LAPTM4B: variants seen among roughly 807,000 people sequenced by gnomAD.
LAPTM4B encodes lysosomal protein transmembrane 4 beta, also known as lysosomal-associated transmembrane protein 4B.
In LAPTM4B, 26 loss-of-function variants were observed where a neutral mutation model predicts 28.5. The observed-to-expected ratio is 0.91, with a 90% CI of 0.67 to 1.27. LAPTM4B has a LOEUF of 1.27. LAPTM4B is among the 50% of genes most tolerant of loss of function. The probability of loss-of-function intolerance (pLI) is 0.00; values close to 1 mark genes in which losing one functional copy is unlikely to be tolerated. For missense variants in LAPTM4B, 288 were observed against 285.8 expected (o/e 1.01, Z -0.06); for synonymous variants, 109 against 106.4 (o/e 1.02, Z -0.15).
At position 97,825,072 on chromosome 8, in the gene LAPTM4B, C is replaced by G. The variant is rs148962464; in HGVS notation, c.522C>G (p.Ser174Arg). 1.2e-6 allele frequency: 2 copies of G among 1,605,182 alleles called. No homozygotes were observed. Among genetic ancestry groups the G allele is most frequent in the Non-Finnish European group, 1.7e-6 (2 of 1,172,390 alleles). ...IILTFKGYLI[S>R]CVWNCYRYIN... ...CTCATTTTCAGGGTTACTTGATTAG[C>G]TGTGTTTGGAACTGCTACCGATACA... The change falls in exon 6 of 7, where the codon AGC becomes AGG. Residue 174 changes from serine to arginine, a missense_variant. Transcript: ENST00000521545.
intron 6 of LAPTM4B, 104 bp downstream of exon 6, chr8:97,825,257 A>G (rs541307877): frequency 9.2e-5 from 55 of 599,004 alleles, no homozygotes; most frequent in African/African-American, 8.5e-4. Context: ...TTACTGAAAC[A>G]TACTCATGAG....
At chr8:97,848,774 T>C (rs1043238424) in intron 6 of LAPTM4B, among the ~76,000 whole-genome samples, 3 of 152,260 alleles carry the variant, frequency 2.0e-5, no homozygotes, top group African/African-American at 7.2e-5. Context: ...TCAGTCTTGC[T>C]AAAATTAATA....
At chr8:97,846,327 A>ATTT (rs57959152) in intron 6 of LAPTM4B, among the ~76,000 whole-genome samples, 12 of 138,876 alleles carry the variant, frequency 8.6e-5, no homozygotes, top group Non-Finnish European at 7.7e-5. Flanking sequence ...AGAGTATCCA[A>ATTT]TTTTTTTTTT....
chr8:97,816,306 T>C (rs865922321), intron 4 of LAPTM4B, 126 bp downstream of exon 4: 1 of 899,674 alleles, frequency 1.1e-6, no homozygotes, highest in Non-Finnish European at 1.6e-6. Flanking sequence ...GAGTTACTCA[T>C]AGGAAATTTC....
chr8:97,776,205 T>C (rs1001518297), intron 1 of LAPTM4B, 97 bp downstream of exon 1: 2 of 1,312,332 alleles, frequency 1.5e-6, no homozygotes, highest in East Asian at 6.0e-5. Context: ...CGTGCGCTCA[T>C]CCGCCTAAAG....
intron 2 of LAPTM4B, among the ~76,000 whole-genome samples, chr8:97,809,292 T>TG (rs1816794904): frequency 6.6e-6 from 1 of 152,238 alleles, no homozygotes; most frequent in Non-Finnish European, 1.5e-5. Context: ...ACTGGAATTG[T>TG]GTAGCTTTAA....
intron 1 of LAPTM4B, among the ~76,000 whole-genome samples, chr8:97,787,434 C>T (rs530675924): frequency 2.0e-5 from 3 of 151,890 alleles, no homozygotes; most frequent in Middle Eastern, 6.8e-3. Flanking sequence ...TACAGGCACC[C>T]GCCACCAGGC....
At chr8:97,786,442 G>A (rs1816403181) in intron 1 of LAPTM4B, among the ~76,000 whole-genome samples, 1 of 150,356 alleles carries the variant, frequency 6.7e-6, no homozygotes, top group Admixed American at 6.6e-5. Flanking sequence ...GGTGGCTCAC[G>A]CCTGTAATCC....
Position 97,821,466 on chromosome 8 carries a change from C to T in LAPTM4B, c.507+2228C>T, listed in dbSNP as rs188298254. Among the ~76,000 whole-genome samples, 672 of 152,024 alleles carry T rather than the reference C, an allele frequency of 4.4e-3. 11 individuals carry two copies. Among genetic ancestry groups the T allele is most frequent in the Non-Finnish European group, 7.1e-3 (482 of 68,010 alleles). On this transcript the variant is annotated intron_variant, in intron 5 of 6. Coordinates refer to ENST00000521545, the MANE Select transcript of LAPTM4B (RefSeq NM_018407.6). Reference sequence around the variant, plus strand: ...GGGTCCAGTGCCAGTTTGGAGGCTGCGAAGGCCCTGAGCTCTGGGAGTCCA... The same window carrying T: ...GGGTCCAGTGCCAGTTTGGAGGCTGTGAAGGCCCTGAGCTCTGGGAGTCCA...
At chr8:97,795,822 G>A (rs1373667630) in intron 1 of LAPTM4B, among the ~76,000 whole-genome samples, 1 of 134,486 alleles carries the variant, frequency 7.4e-6, no homozygotes, top group African/African-American at 2.7e-5. Flanking sequence ...CAGCGACAAA[G>A]TGAGACTCTG....
Position 97,782,500 on chromosome 8 carries a change from G to T in LAPTM4B, c.99+6392G>T, listed in dbSNP as rs1034460579. On this transcript the variant is annotated intron_variant, in intron 1 of 6. Coordinates refer to ENST00000521545, the MANE Select transcript of LAPTM4B (RefSeq NM_018407.6). ...GTTGTCCAGGCTGGAGTGCAGTGGC[G>T]CAGTCTCAGCTCACTGCAACGTCTG... 2.0e-5 allele frequency among the ~76,000 whole-genome samples: 3 copies of T among 151,680 alleles called. No individual in the cohort carries two copies. The East Asian group carries it at 5.9e-4, about 30-fold the overall frequency.
chr8:97,842,255 C>T (rs1817360182), intron 6 of LAPTM4B, among the ~76,000 whole-genome samples: 1 of 151,964 alleles, frequency 6.6e-6, no homozygotes, highest in Non-Finnish European at 1.5e-5. Flanking sequence ...TTTCCTTCAA[C>T]CATGAAATGA....
At chr8:97,816,444 T>C (rs1262695761) in intron 4 of LAPTM4B, among the ~76,000 whole-genome samples, 3 of 152,044 alleles carry the variant, frequency 2.0e-5, no homozygotes, top group Admixed American at 6.6e-5. Flanking sequence ...ATTATAGGCA[T>C]GTACCAACAT....
intron 6 of LAPTM4B, among the ~76,000 whole-genome samples, chr8:97,836,033 T>C (rs1415374596): frequency 6.6e-6 from 1 of 152,172 alleles, no homozygotes; most frequent in African/African-American, 2.4e-5. Context: ...ATGCTTGATC[T>C]GGGGTGGAAG....
At chr8:97,830,070 G>C (rs1326689294) in intron 6 of LAPTM4B, among the ~76,000 whole-genome samples, 2 of 152,162 alleles carry the variant, frequency 1.3e-5, no homozygotes, top group African/African-American at 2.4e-5. Flanking sequence ...GAGGTTTGGA[G>C]GTGTAAGGAG....
chr8:97,838,205 A>G (rs1384182362), intron 6 of LAPTM4B, among the ~76,000 whole-genome samples: 1 of 152,216 alleles, frequency 6.6e-6, no homozygotes, highest in East Asian at 1.9e-4. Context: ...CTGTCACTTA[A>G]CATATACAAT....
chr8:97,831,858 A>C (rs755207681), intron 6 of LAPTM4B, among the ~76,000 whole-genome samples: 25 of 152,092 alleles, frequency 1.6e-4, no homozygotes, highest in Admixed American at 6.6e-5. Flanking sequence ...TGCCCTTTGC[A>C]GTGGATTACT....
At chr8:97,832,567 G>A (rs918684897) in intron 6 of LAPTM4B, among the ~76,000 whole-genome samples, 1 of 152,090 alleles carries the variant, frequency 6.6e-6, no homozygotes, top group African/African-American at 2.4e-5. Context: ...GGAAAAGGTA[G>A]ATTTATCTTT....
intron 1 of LAPTM4B, among the ~76,000 whole-genome samples, chr8:97,789,391 G>A (rs1289458292): frequency 1.3e-5 from 2 of 151,020 alleles, no homozygotes; most frequent in East Asian, 4.0e-4. Flanking sequence ...TTGAGGTAGA[G>A]TCTCTCTTGC....
Sources: allele counts gnomAD v4.1 joint callset (sites outside exome capture counted in the v4.1 genomes callset), GRCh38; gene constraint gnomAD v4.1.1; transcripts MANE v1.5; gene names NCBI Gene and HGNC (gene_info 2026-07-23, HGNC 2026-07-21).